CASP4: variants seen among roughly 807,000 people sequenced by gnomAD.
The protein encoded by CASP4 is caspase 4, also known as caspase-4.
Under a neutral mutation model 41.3 loss-of-function variants are expected in CASP4, and 29 were observed. The ratio of observed to expected loss-of-function variants is 0.70; its 90% CI spans 0.52 to 0.96. CASP4 has a LOEUF of 0.96. Among genes scored for constraint, CASP4 ranks in the 40% least tolerant of loss-of-function variants. CASP4 has a pLI of 0.00. For missense variants in CASP4, 447 were observed against 460.6 expected (o/e 0.97, Z 0.27); for synonymous variants, 185 against 158.4 (o/e 1.17, Z -1.26).
At chr11:104,963,256 A>G (rs570571721) in intron 1 of CASP4, among the ~76,000 whole-genome samples, 1 of 152,152 alleles carries the variant, frequency 6.6e-6, no homozygotes, top group South Asian at 2.1e-4. Context: ...ATTTTTCTCC[A>G]TTTTTTGTCT....
chr11:104,962,734 G>T (rs1860888222), intron 1 of CASP4, among the ~76,000 whole-genome samples: 1 of 152,174 alleles, frequency 6.6e-6, no homozygotes, highest in African/African-American at 2.4e-5. Context: ...GTTAAAAGTG[G>T]CTTCTCTAGT....
At position 104,951,196 on chromosome 11, in the gene CASP4, C is replaced by T. The variant is rs749947679; in HGVS notation, c.373-98G>A. 8 of 982,360 alleles carry T rather than the reference C, an allele frequency of 8.1e-6. No homozygotes were observed. The South Asian group carries it at 1.2e-4, about 14-fold the overall frequency. The allele number at this position is 982,360 out of a possible 1,614,324, so 60.9% of individuals were successfully genotyped here. On this transcript the variant is annotated intron_variant, in intron 3 of 8. Transcript: ENST00000444739. Reference sequence around the variant, plus strand: ...TGCTTTTTCAAGTCTTCATGCAGCTCCTCTCTGCTCTAACTTGTATCAAAA... The same window carrying T: ...TGCTTTTTCAAGTCTTCATGCAGCTTCTCTCTGCTCTAACTTGTATCAAAA...
chr11:104,947,950 T>C, intron 6 of CASP4: 1 of 152,248 alleles, frequency 6.6e-6, no homozygotes, highest in East Asian at 1.9e-4. Context: ...TTAAGTTGTA[T>C]ACATTAAATA....
At position 104,944,679 on chromosome 11, in the gene CASP4, A is replaced by G. The variant is rs912593554; in HGVS notation, c.*5+69T>C. ...TCCAAGTACTCAGCTGTCATTTGTC[A>G]TTGAACTTAACCACCAATATCACTC... On this transcript the variant is annotated intron_variant, in intron 8 of 8. Transcript: ENST00000444739. The G allele has an allele frequency of 4.0e-6, 4 of 1,010,294 alleles. No homozygotes were observed. In the East Asian group the frequency reaches 9.6e-5, roughly 24 times the overall value. 62.6% of individuals were successfully genotyped at this position (1,010,294 alleles called of 1,614,324 possible).
chr11:104,956,201 A>G (rs908329700), intron 1 of CASP4, among the ~76,000 whole-genome samples: 9 of 152,120 alleles, frequency 5.9e-5, no homozygotes, highest in South Asian at 2.1e-4. Context: ...GGTTTTACAA[A>G]TGTTAATATA....
At position 104,944,618 on chromosome 11, in the gene CASP4, C is replaced by T. The variant is rs187907216; in HGVS notation, c.*5+130G>A. On this transcript the variant is annotated intron_variant, in intron 8 of 8. Coordinates refer to ENST00000444739, the MANE Select transcript of CASP4 (RefSeq NM_001225.4). Reference sequence around the variant, plus strand: ...AAGTCGGAAAGAAGTAGCAGATAATCACCAGACTATATCAACAAAAACACC... The same window carrying T: ...AAGTCGGAAAGAAGTAGCAGATAATTACCAGACTATATCAACAAAAACACC... 4.8e-3 allele frequency: 2,933 copies of T among 615,402 alleles called. 62 individuals are homozygous for T. The highest frequency in any genetic ancestry group is 0.038 in the South Asian group (1,900 of 50,532). 38.1% of individuals were successfully genotyped at this position (615,402 alleles called of 1,614,324 possible).
chr11:104,948,526 T>TA lies in CASP4; in HGVS notation c.925+6dup. ...CAAATCCCTTACTGCCACTGAAAGATACATACGTGGCGTTGAAGAGCAGAA... is the reference window on the plus strand; with the variant it reads ...CAAATCCCTTACTGCCACTGAAAGATAACATACGTGGCGTTGAAGAGCAGAA... On this transcript the variant is annotated splice_region_variant and intron_variant, in intron 6 of 8. Coordinates refer to ENST00000444739, the MANE Select transcript of CASP4 (RefSeq NM_001225.4). 1 of 1,594,970 alleles carries TA rather than the reference T, an allele frequency of 6.3e-7. No individual in the cohort carries two copies. Among genetic ancestry groups the TA allele is most frequent in the Non-Finnish European group, 8.6e-7 (1 of 1,168,062 alleles).
Position 104,954,849 on chromosome 11 carries a change from C to A in CASP4, c.160G>T (p.Val54Phe). Residue 54 changes from valine (V) to phenylalanine (F), a missense_variant, in exon 2 of 9, where the codon GTT (valine) becomes TTT (phenylalanine). Transcript: ENST00000444739. The stretch of plus-strand genomic sequence containing the variant: ...TGCATAGAGTCTGCCATGACCCGAA[C>A]TTTGTCTTCAGTTTTAGCATCGTAA... ...KYYDAKTEDK[V>F]RVMADSMQEK... The A allele has an allele frequency of 6.2e-7, 1 of 1,613,894 alleles. No homozygotes were observed. The highest frequency in any genetic ancestry group is 8.5e-7 in the Non-Finnish European group (1 of 1,179,838).
rs751219881 is a variant in CASP4, at chr11:104,951,880, A to G, written c.372+16T>C. On this transcript the variant is annotated intron_variant, in intron 3 of 8. Coordinates refer to ENST00000444739, the MANE Select transcript of CASP4 (RefSeq NM_001225.4). ...ATCTCTTCTTTTTTTTCTATTTCAT[A>G]TAGATAGCATAGCACCTCTTCAGCT... 8 of 1,500,516 alleles carry G rather than the reference A, an allele frequency of 5.3e-6. No individual in the cohort carries two copies. The African/African-American group carries it at 5.5e-5, about 10-fold the overall frequency. The allele number at this position is 1,500,516 out of a possible 1,614,324, so 93.0% of individuals were successfully genotyped here.
chr11:104,950,686 T>C (rs1035172517), intron 4 of CASP4, among the ~76,000 whole-genome samples: 3 of 152,118 alleles, frequency 2.0e-5, no homozygotes, highest in Non-Finnish European at 4.4e-5. Flanking sequence ...TGGAATTCAA[T>C]AAGAAATGTG....
chr11:104,950,016 T>C (rs1454089202), intron 4 of CASP4, among the ~76,000 whole-genome samples: 1 of 152,188 alleles, frequency 6.6e-6, no homozygotes, highest in African/African-American at 2.4e-5. Flanking sequence ...TATATTGCTA[T>C]GTGTTACTCA....
chr11:104,947,120 T>C lies in CASP4; in HGVS notation c.998A>G (p.Tyr333Cys), dbSNP rs961407605. Residue 333 changes from tyrosine to cysteine, a missense_variant, in exon 7 of 9, where the codon TAT becomes TGT. Transcript: ENST00000444739. ...TTCCTCTAGGTGGCAGCACCAAGAA[T>C]ATTTCTGGAAGCATGTGATGAGTTG... is the stretch of plus-strand genomic sequence containing the variant. ...ITQLITCFQK[Y>C]SWCCHLEEVF... 1 of 1,612,892 alleles carries C rather than the reference T, an allele frequency of 6.2e-7. No individual in the cohort carries two copies. The highest frequency in any genetic ancestry group is 2.2e-5 in the East Asian group (1 of 44,842).
At chr11:104,944,117 TG>T in intron 8 of CASP4, 1 of 152,276 alleles carries the variant, frequency 6.6e-6, no homozygotes, top group Non-Finnish European at 1.5e-5. Flanking sequence ...CCTGAGTGAT[TG>T]GTGATCTGCA....
intron 5 of CASP4, chr11:104,949,238 C>A: frequency 7.4e-6 from 3 of 403,170 alleles, no homozygotes; most frequent in South Asian, 3.4e-5. Flanking sequence ...AAAACATTTA[C>A]AAATCAAGCT....
At chr11:104,966,873 A>C (rs532160651) in intron 1 of CASP4, among the ~76,000 whole-genome samples, 5 of 152,356 alleles carry the variant, frequency 3.3e-5, no homozygotes, top group African/African-American at 1.2e-4. Flanking sequence ...TATCCCCTTC[A>C]ACTACAATAT....
In CASP4 at chr11:104,951,071, G is replaced by T; in HGVS notation, c.400C>A (p.Arg134Ser). ...EIYPIKERNN[R>S]TRLALIICNT... ...CATATGATGAGAGCCAGGCGTGTGC[G>T]GTTGTTTCTCTCCTTTATTGGATAG... The change falls in exon 4 of 9, where the codon CGC (arginine) becomes AGC (serine). Residue 134 changes from arginine (R) to serine (S), a missense_variant. Arg to Ser is a moderately radical substitution (Grantham distance 110). Transcript: ENST00000444739. 1.2e-6 allele frequency: 2 copies of T among 1,612,982 alleles called. No homozygotes were observed. Among genetic ancestry groups the T allele is most frequent in the Middle Eastern group, 1.7e-4 (1 of 6,046 alleles).
intron 1 of CASP4, among the ~76,000 whole-genome samples, chr11:104,967,218 G>C (rs1202995867): frequency 6.6e-6 from 1 of 152,138 alleles, no homozygotes. Flanking sequence ...TTTTTGACTA[G>C]TGGCTTTCAA....
At chr11:104,968,343 C>T (rs944721997) in intron 1 of CASP4, among the ~76,000 whole-genome samples, 176 bp downstream of exon 1, 13 of 152,186 alleles carry the variant, frequency 8.5e-5, no homozygotes, top group African/African-American at 2.9e-4. Flanking sequence ...AAACATATGA[C>T]CTCCGTCAAT....
At chr11:104,960,445 AT>A (rs369302155) in intron 1 of CASP4, among the ~76,000 whole-genome samples, 3,699 of 151,634 alleles carry the variant, frequency 0.024, 172 homozygotes, top group African/African-American at 0.085. Context: ...TTAGAGTAGC[AT>A]TTTTTTTCCA....
Sources: allele counts gnomAD v4.1 joint callset (sites outside exome capture counted in the v4.1 genomes callset), GRCh38; gene constraint gnomAD v4.1.1; transcripts MANE v1.5; gene names NCBI Gene and HGNC (gene_info 2026-07-23, HGNC 2026-07-21).